Variants in TEDC1 observed in about 807,000 individuals in gnomAD.
TEDC1 encodes the protein tubulin epsilon and delta complex protein 1.
A neutral mutation model predicts 59.9 loss-of-function variants in TEDC1; 54 were observed. The observed-to-expected ratio is 0.90, with a 90% CI of 0.72 to 1.13. The LOEUF (loss-of-function observed/expected upper bound fraction) is 1.13. Among genes scored for constraint, TEDC1 ranks in the 50% most tolerant of loss-of-function variants. The pLI, the probability that TEDC1 is intolerant of heterozygous loss-of-function variation, is 0.00. For missense variants in TEDC1, 734 were observed against 683.4 expected (o/e 1.07, Z -0.83); for synonymous variants, 353 against 298.1 (o/e 1.18, Z -1.90).
intron 6 of TEDC1, 41 bp downstream of exon 6, chr14:105,496,127 C>A: frequency 3.6e-5 from 1 of 27,420 alleles, no homozygotes; most frequent in Non-Finnish European, 6.4e-5. Context: ...GACCGCAGGA[C>A]TTGGGGGTGG....
chr14:105,491,965 G>T, intron 2 of TEDC1, 142 bp from the exon 3 acceptor site: 1 of 964,188 alleles, frequency 1.0e-6, no homozygotes, highest in Non-Finnish European at 1.5e-6. Context: ...ATCCTGGTCT[G>T]AGTTCTAGCT....
intron 3 of TEDC1, 121 bp downstream of exon 3, chr14:105,492,430 TTA>T (rs2084237245): frequency 6.7e-7 from 1 of 1,498,250 alleles, no homozygotes; most frequent in Admixed American, 1.9e-5. Context: ...CCATGAAGGG[TTA>T]CCCAGCTGCC....
At chr14:105,490,777 G>A, upstream of TEDC1, 1 of 525,212 alleles carries the variant, frequency 1.9e-6, no homozygotes, top group South Asian at 2.0e-5. Flanking sequence ...GGAAGGCGGC[G>A]CGATGGGGCG....
rs201752678 is a variant in TEDC1 at position 105,493,925 on chromosome 14, G to A, written c.676G>A (p.Gly226Ser). The change falls in exon 5 of 9, where the codon GGC (glycine) becomes AGC (serine). Residue 226 changes from glycine (G) to serine (S), a missense_variant. Transcript: ENST00000392523. ...AGAGATGCTCAGGGACCCAGAGGGA[G>A]GCCAGCAGGTGAGGGCGGGCAAGCT... ...EAEMLRDPEG[G>S]QQVSGAGAAQ... The A allele has an allele frequency of 9.2e-6, 14 of 1,526,098 alleles. No homozygotes were observed. In the East Asian group the frequency reaches 3.5e-4, roughly 38 times the overall value. The allele number at this position is 1,526,098 out of a possible 1,614,324, so 94.5% of individuals were successfully genotyped here.
chr14:105,491,898 A>G (rs1313234455), intron 2 of TEDC1, among the ~76,000 whole-genome samples, 198 bp downstream of exon 2: 1 of 152,068 alleles, frequency 6.6e-6, no homozygotes, highest in African/African-American at 2.4e-5. Flanking sequence ...CTTGGGTAGC[A>G]CTGGCTTCTG....
In TEDC1 at chr14:105,499,227, G is replaced by A. The variant is rs2084417047; in HGVS notation, c.*281G>A. 5 of 532,504 alleles carry A rather than the reference G, an allele frequency of 9.4e-6. No individual in the cohort carries two copies. The highest frequency in any genetic ancestry group is 6.4e-5 in the East Asian group (2 of 31,146). The allele number at this position is 532,504 out of a possible 1,614,324, so 33.0% of individuals were successfully genotyped here. A position where few individuals can be genotyped will look rare whatever the true frequency, so the allele number is the denominator to read the frequency against. On this transcript the variant is annotated 3_prime_UTR_variant, in exon 9 of 9. Transcript: ENST00000392523. ...GGAAATAAATTGTAGCAGCTTTCCT[G>A]CCGCTGGCCCTCCCCCTGCCACCCT...
intron 4 of TEDC1, 43 bp from the exon 5 acceptor site, chr14:105,493,792 G>A (rs2084274380): frequency 2.1e-6 from 3 of 1,442,372 alleles, no homozygotes; most frequent in Admixed American, 1.7e-5. Flanking sequence ...TGGGGGAGGT[G>A]CTTGACTGCC....
Position 105,492,114 on chromosome 14 carries a change from A to G in TEDC1, c.234A>G (p.Gln78=). The change falls in exon 3 of 9, where the codon CAA becomes CAG. Residue 78 remains glutamine, a synonymous_variant. Transcript: ENST00000392523. Reference sequence around the variant, plus strand: ...GGTGGTCTTCTGTCCTAGAGGTCCAAGCCCGCTTGGTGAAGTCAGCACTAT... The same window carrying G: ...GGTGGTCTTCTGTCCTAGAGGTCCAGGCCCGCTTGGTGAAGTCAGCACTAT... ...NALASLALEV[Q]ARLVKSALCS... 1 of 1,605,046 alleles carries G rather than the reference A, an allele frequency of 6.2e-7. No homozygotes were observed. Among genetic ancestry groups the G allele is most frequent in the Non-Finnish European group, 8.5e-7 (1 of 1,176,318 alleles).
chr14:105,498,581 G>C, intron 8 of TEDC1, 36 bp from the exon 9 acceptor site: 1 of 1,500,494 alleles, frequency 6.7e-7, no homozygotes. Context: ...CCAGTGTCCT[G>C]GGGGGACAGA....
intron 7 of TEDC1, 50 bp downstream of exon 7, chr14:105,497,493 C>G: frequency 1.3e-6 from 2 of 1,527,278 alleles, no homozygotes; most frequent in Non-Finnish European, 1.8e-6. Flanking sequence ...CACAGCAGCC[C>G]CCAGGTGGGG....
Position 105,492,167 on chromosome 14 carries a change from T to C in TEDC1, c.287T>C (p.Leu96Pro). Residue 96 changes from leucine (L) to proline (P), a missense_variant, in exon 3 of 9, where the codon CTG (leucine) becomes CCG (proline). Leu to Pro is a moderately conservative substitution (Grantham distance 98, BLOSUM62 -3). Transcript: ENST00000392523. ...LCSQGYPRLA[L>P]AQLPEDGSQG... is the part of the protein sequence containing the mutation. ...TCCCAGGGCTACCCGAGGCTGGCAC[T>C]GGCACAACTACCTGAGGATGGCTCG... 2 of 1,613,016 alleles carry C rather than the reference T, an allele frequency of 1.2e-6. No individual in the cohort carries two copies. Among genetic ancestry groups the C allele is most frequent in the Non-Finnish European group, 1.7e-6 (2 of 1,179,890 alleles).
Position 105,495,954 on chromosome 14 carries a change from G to T in TEDC1, c.759G>T (p.Gly253=). The T allele has an allele frequency of 6.5e-7, 1 of 1,550,372 alleles. No individual in the cohort carries two copies. The highest frequency in any genetic ancestry group is 2.4e-5 in the East Asian group (1 of 40,920). The change falls in exon 6 of 9, where the codon GGG becomes GGT. Residue 253 remains glycine (G), a synonymous_variant. Transcript: ENST00000392523. ...PKCLHSFCTP[G]MGPRTFWNDL... ...GCCTGCACTCCTTCTGCACTCCTGG[G>T]ATGGGTCCCAGAACCTTCTGGAATG...
intron 1 of TEDC1, 22 bp from the exon 2 acceptor site, chr14:105,491,600 G>A (rs587745330): frequency 7.1e-6 from 11 of 1,548,624 alleles, no homozygotes; most frequent in East Asian, 2.5e-5. Flanking sequence ...TCCGCTGACC[G>A]CCCGCTTTTT....
In TEDC1 at chr14:105,491,686, C is replaced by A. The variant is rs938897682; in HGVS notation, c.212C>A (p.Ala71Glu). ...LSPLPAGNALASLALEVQARL... is the reference protein window; with the variant it reads ...LSPLPAGNALESLALEVQARL... ...CCACTCCCTGCGGGCAACGCCTTGG[C>A]ATCGCTCGCCCTGGGTAAGCCCCGC... The change falls in exon 2 of 9, where the codon GCA (alanine) becomes GAA (glutamate). Residue 71 changes from alanine to glutamate, a missense_variant. By Grantham distance (107) the Ala-to-Glu change is moderately radical. Transcript: ENST00000392523. 2 of 1,549,132 alleles carry A rather than the reference C, an allele frequency of 1.3e-6. No individual in the cohort carries two copies. The highest frequency in any genetic ancestry group is 2.7e-5 in the African/African-American group (2 of 73,176).
chr14:105,490,237 G>C (rs1193983509), upstream of TEDC1: 1 of 152,242 alleles, frequency 6.6e-6, no homozygotes, highest in Non-Finnish European at 1.5e-5. Flanking sequence ...CGAGAAGAAA[G>C]GTGGGGCCGG....
intron 5 of TEDC1, chr14:105,494,967 T>G (rs1166323884): frequency 6.6e-6 from 1 of 152,202 alleles, no homozygotes; most frequent in Non-Finnish European, 1.5e-5. Flanking sequence ...GTCTCCTGGG[T>G]TCAAGCGATT....
chr14:105,492,218 C>T lies in TEDC1; in HGVS notation c.338C>T (p.Ala113Val), dbSNP rs2084231494. Residue 113 changes from alanine (A) to valine (V), a missense_variant, in exon 3 of 9, where the codon GCT becomes GTT. Coordinates refer to ENST00000392523, the MANE Select transcript of TEDC1 (RefSeq NM_001367178.1). ...CAGGGCAGTCGGGAGCTGCTGCTGG[C>T]TCTGTCCTGGCTCTTGGCCCGAGGA... ...GSQGSRELLL[A>V]LSWLLARGPV... 2 of 1,612,436 alleles carry T rather than the reference C, an allele frequency of 1.2e-6. No individual in the cohort carries two copies. The highest frequency in any genetic ancestry group is 1.7e-4 in the Middle Eastern group (1 of 6,060).
intron 3 of TEDC1, 65 bp downstream of exon 3, chr14:105,492,374 A>T (rs1261546346): frequency 1.3e-6 from 2 of 1,575,888 alleles, no homozygotes; most frequent in Non-Finnish European, 1.7e-6. Flanking sequence ...GAGCAAGGGC[A>T]GGCCTGGGTC....
intron 5 of TEDC1, chr14:105,495,080 C>G (rs2084315144): frequency 6.6e-6 from 1 of 152,260 alleles, no homozygotes; most frequent in Non-Finnish European, 1.5e-5. Context: ...GCCACGTTGG[C>G]CAGGCTGGTC....
Sources: gnomAD v4.1 joint callset for allele counts (sites outside exome capture counted in the v4.1 genomes callset) on GRCh38, gnomAD v4.1.1 for gene constraint, MANE v1.5 for transcripts, NCBI Gene and HGNC (gene_info 2026-07-23, HGNC 2026-07-21) for gene names.